The following ERI3 variants were observed in gnomAD, a reference collection of about 807,000 sequenced individuals.
ERI3 encodes ERI1 exoribonuclease family member 3.
ERI3 carries 18 observed loss-of-function variants against 44.4 expected under a neutral mutation model. That is an observed-to-expected ratio of 0.41 (90% confidence interval 0.28 to 0.60). The LOEUF (loss-of-function observed/expected upper bound fraction) is 0.60. ERI3 is among the 20% of genes least tolerant of loss of function. The pLI is 0.36. For synonymous variants in ERI3, 183 were observed against 164.8 expected (o/e 1.11, Z -0.84); for missense variants, 294 against 435.5 (o/e 0.68, Z 2.89).
chr1:44,230,185 A>T (rs59579349), intron 8 of ERI3: 1 of 152,148 alleles, frequency 6.6e-6, no homozygotes, highest in African/African-American at 2.4e-5. Context: ...TCATTACATT[A>T]TATGTCAGAA....
At chr1:44,310,951 T>TCGCGCGCGCGCGCGCG (rs141114785) in intron 5 of ERI3, among the ~76,000 whole-genome samples, 68 of 94,994 alleles carry the variant, frequency 7.2e-4, no homozygotes, top group Non-Finnish European at 9.8e-4. Context: ...TATGTGCACA[T>TCGCGCGCGCGCGCGCG]CGCGCGCGCG....
rs16831920 is a variant in ERI3 at position 44,329,789 on chromosome 1, G to C, written c.489+9256C>G. On this transcript the variant is annotated intron_variant, in intron 3 of 8. Transcript: ENST00000372257. The stretch of plus-strand genomic sequence containing the variant: ...TGCCTGTTATGTTCTCCCTGATACG[G>C]ATCTTCTACTCAGAGTACCCCATTT... 7.1e-3 allele frequency among the ~76,000 whole-genome samples: 1,086 copies of C among 152,250 alleles called. 17 individuals carry two copies. Among genetic ancestry groups the C allele is most frequent in the African/African-American group, 0.025 (1,028 of 41,530 alleles).
intron 6 of ERI3, among the ~76,000 whole-genome samples, chr1:44,298,029 A>C (rs1435731595): frequency 6.6e-6 from 1 of 152,246 alleles, no homozygotes; most frequent in Non-Finnish European, 1.5e-5. Context: ...GCAGAATCCC[A>C]AAGGACAGAA....
intron 7 of ERI3, among the ~76,000 whole-genome samples, chr1:44,273,962 A>G (rs1645134061): frequency 6.6e-6 from 1 of 152,208 alleles, no homozygotes; most frequent in African/African-American, 2.4e-5. Context: ...TGGATCATCC[A>G]GGGCCTTGGT....
chr1:44,237,742 C>G (rs949340094), intron 8 of ERI3, among the ~76,000 whole-genome samples: 2 of 152,182 alleles, frequency 1.3e-5, no homozygotes, highest in East Asian at 3.9e-4. Flanking sequence ...GTTTGTATTT[C>G]TATTCAAAGT....
chr1:44,227,185 T>C (rs1176977991), intron 8 of ERI3, among the ~76,000 whole-genome samples: 2 of 152,312 alleles, frequency 1.3e-5, no homozygotes, highest in Non-Finnish European at 1.5e-5. Context: ...TGAGGTCTGC[T>C]GGAGTCTCCA....
intron 2 of ERI3, among the ~76,000 whole-genome samples, chr1:44,350,713 T>C (rs751103593): frequency 7.2e-5 from 11 of 152,256 alleles, no homozygotes; most frequent in Non-Finnish European, 2.9e-5. Flanking sequence ...AAGATTCAGT[T>C]ATACTCTTTT....
chr1:44,343,286 T>C (rs968183917), intron 2 of ERI3, among the ~76,000 whole-genome samples: 1 of 152,176 alleles, frequency 6.6e-6, no homozygotes, highest in African/African-American at 2.4e-5. Context: ...TGATGTGAGA[T>C]ATTTACATAG....
chr1:44,342,835 A>T (rs1250122395), intron 2 of ERI3, among the ~76,000 whole-genome samples: 4 of 25,570 alleles, frequency 1.6e-4, no homozygotes, highest in Non-Finnish European at 2.2e-4. Context: ...ATATATATAT[A>T]TATATATATA....
chr1:44,299,095 A>G (rs543994773), intron 6 of ERI3, among the ~76,000 whole-genome samples: 2 of 152,128 alleles, frequency 1.3e-5, no homozygotes, highest in Non-Finnish European at 2.9e-5. Flanking sequence ...CCTGGGTGGT[A>G]GTTACCCAGG....
intron 8 of ERI3, among the ~76,000 whole-genome samples, chr1:44,223,371 C>A (rs1179289719): frequency 6.6e-6 from 1 of 151,862 alleles, no homozygotes; most frequent in Non-Finnish European, 1.5e-5. Context: ...GGAATGGGAC[C>A]GGAAGGGGCC....
At position 44,319,541 on chromosome 1, in the gene ERI3, G is replaced by T. The variant is rs1208541682; in HGVS notation, c.606+87C>A. ...TGCCTTAAGGATTGATAAGCCCTAT[G>T]CTTTCTCTAAGTGGCCTATATAGAG... is the stretch of plus-strand genomic sequence containing the variant. On this transcript the variant is annotated intron_variant, in intron 4 of 8. Transcript: ENST00000372257. 5.9e-6 allele frequency: 5 copies of T among 843,456 alleles called. No homozygotes were observed. In the Admixed American group the frequency reaches 8.7e-5, roughly 15 times the overall value. The allele number at this position is 843,456 out of a possible 1,614,324, so 52.2% of individuals were successfully genotyped here.
At chr1:44,335,780 A>AT (rs1646524254) in intron 3 of ERI3, among the ~76,000 whole-genome samples, 1 of 150,914 alleles carries the variant, frequency 6.6e-6, no homozygotes, top group South Asian at 2.1e-4. Flanking sequence ...CCATCTCAAA[A>AT]AAAAAAAAAA....
At chr1:44,281,878 A>ATGTGTGTGTGTGTGTGTGTGTGTGTG (rs10574197) in intron 7 of ERI3, among the ~76,000 whole-genome samples, 1 of 126,966 alleles carries the variant, frequency 7.9e-6, no homozygotes, top group Admixed American at 8.3e-5. Context: ...ACATGTGCAT[A>ATGTGTGTGTGTGTGTGTGTGTGTGTG]TGTGTGTGTG....
At chr1:44,234,608 G>C (rs868285574) in intron 8 of ERI3, among the ~76,000 whole-genome samples, 2 of 151,908 alleles carry the variant, frequency 1.3e-5, no homozygotes, top group Non-Finnish European at 2.9e-5. Context: ...GCAGTGAGCC[G>C]AGATCACATC....
chr1:44,244,834 C>T (rs2154317843), intron 8 of ERI3, among the ~76,000 whole-genome samples: 1 of 152,212 alleles, frequency 6.6e-6, no homozygotes. Context: ...CCCAAGTCTG[C>T]CTCCGTGTTC....
chr1:44,289,016 C>T (rs1423074023), intron 6 of ERI3, among the ~76,000 whole-genome samples: 3 of 152,196 alleles, frequency 2.0e-5, no homozygotes, highest in Non-Finnish European at 4.4e-5. Flanking sequence ...ATTCACTGGG[C>T]ACAAAGCTCC....
At position 44,310,957 on chromosome 1, in the gene ERI3, G is replaced by A. The variant is rs867858373; in HGVS notation, c.666+2212C>T. 4.7e-4 allele frequency among the ~76,000 whole-genome samples: 36 copies of A among 76,742 alleles called. 1 individual carries two copies. The highest frequency in any genetic ancestry group is 1.3e-3 in the African/African-American group (24 of 19,130). The allele number at this position is 76,742 out of a possible 152,430, so 50.3% of individuals were successfully genotyped here. A position where few individuals can be genotyped will look rare whatever the true frequency, so the allele number is the denominator to read the frequency against. ...CCTTGCATGTATGTGCACATCGCGCGCGCGCGCACACACACACACACACAC... is the reference window on the plus strand; with the variant it reads ...CCTTGCATGTATGTGCACATCGCGCACGCGCGCACACACACACACACACAC... On this transcript the variant is annotated intron_variant, in intron 5 of 8. Transcript: ENST00000372257.
intron 2 of ERI3, 60 bp downstream of exon 2, chr1:44,352,789 TC>T: frequency 6.3e-7 from 1 of 1,592,752 alleles, no homozygotes; most frequent in Middle Eastern, 1.7e-4. Flanking sequence ...CCCCCTACCC[TC>T]CAAGCCCAAA....
Sources: allele counts gnomAD v4.1 joint callset (sites outside exome capture counted in the v4.1 genomes callset), GRCh38; gene constraint gnomAD v4.1.1; transcripts MANE v1.5; gene names NCBI Gene and HGNC (gene_info 2026-07-23, HGNC 2026-07-21).